Variants in HDAC8 observed in about 807,000 individuals in gnomAD.
HDAC8 encodes histone deacetylase-like 1.
In HDAC8, 1 loss-of-function variant was observed where a neutral mutation model predicts 32.2. The observed-to-expected ratio is 0.03, with a 90% CI of 0.01 to 0.15. The LOEUF (loss-of-function observed/expected upper bound fraction) is 0.15, where lower values mean the gene tolerates loss of function less well. Among genes scored for constraint, HDAC8 ranks in the 10% least tolerant of loss-of-function variants. The pLI is 1.00. For synonymous variants in HDAC8, 108 were observed against 113.9 expected (o/e 0.95, Z 0.33); for missense variants, 117 against 300.0 (o/e 0.39, Z 4.51).
intron 7 of HDAC8, chrX:72,474,125 A>C (rs1002056257): frequency 5.3e-5 from 40 of 748,931 alleles, no homozygotes; most frequent in Non-Finnish European, 6.1e-5. Context: ...TTGTAAAGAT[A>C]GAGTAATTAG....
chrX:72,356,768 C>T (rs549684882), intron 9 of HDAC8, among the ~76,000 whole-genome samples: 36 of 111,337 alleles, frequency 3.2e-4, no homozygotes, highest in African/African-American at 1.1e-3. Flanking sequence ...TTAGTAGAGA[C>T]GGGGTTTCAC....
intron 10 of HDAC8, among the ~76,000 whole-genome samples, chrX:72,343,412 A>T (rs782657338): frequency 9.1e-6 from 1 of 109,815 alleles, no homozygotes; most frequent in East Asian, 2.9e-4. Flanking sequence ...GGCTCAAGTG[A>T]TCTGCCTGTC....
At chrX:72,366,884 T>C (rs1005929581) in intron 9 of HDAC8, among the ~76,000 whole-genome samples, 33 of 111,905 alleles carry the variant, frequency 2.9e-4, no homozygotes, top group African/African-American at 1.1e-3. Flanking sequence ...ATGACTCTCG[T>C]TTCTGAGCAG....
At chrX:72,555,343 A>T (rs2051247722) in intron 4 of HDAC8, among the ~76,000 whole-genome samples, 1 of 111,889 alleles carries the variant, frequency 8.9e-6, no homozygotes, top group South Asian at 3.7e-4. Flanking sequence ...AAACGAGGTT[A>T]TTTAACATCC....
At chrX:72,478,229 T>C (rs183614613) in intron 7 of HDAC8, among the ~76,000 whole-genome samples, 4 of 112,497 alleles carry the variant, frequency 3.6e-5, no homozygotes, top group African/African-American at 1.3e-4. Context: ...TAATTACAAA[T>C]GATTCTTAAA....
intron 9 of HDAC8, among the ~76,000 whole-genome samples, chrX:72,401,336 G>A (rs2045896967): frequency 8.9e-6 from 1 of 111,982 alleles, no homozygotes; most frequent in African/African-American, 3.2e-5. Flanking sequence ...CTGGGTTCAA[G>A]TGATTTTCCT....
At chrX:72,446,780 C>T (rs2047415257) in intron 9 of HDAC8, among the ~76,000 whole-genome samples, 1 of 111,206 alleles carries the variant, frequency 9.0e-6, no homozygotes, top group African/African-American at 3.3e-5. Flanking sequence ...CACAGAAATA[C>T]AAACTACCAT....
At chrX:72,396,011 G>A (rs896892108) in intron 9 of HDAC8, among the ~76,000 whole-genome samples, 12 of 111,817 alleles carry the variant, frequency 1.1e-4, no homozygotes, top group African/African-American at 3.9e-4. Context: ...TGATCTTAAT[G>A]TGTGTTCTAG....
chrX:72,389,037 T>C (rs1372355821), intron 9 of HDAC8, among the ~76,000 whole-genome samples: 1 of 112,350 alleles, frequency 8.9e-6, no homozygotes, highest in East Asian at 2.8e-4. Context: ...TTAATACTTG[T>C]TTATGCACTG....
chrX:72,411,081 A>G (rs1228416785), intron 9 of HDAC8, among the ~76,000 whole-genome samples: 1 of 95,693 alleles, frequency 1.0e-5, no homozygotes, highest in African/African-American at 4.3e-5. Flanking sequence ...ACTGGAGTGC[A>G]GTGGTGCAAT....
Position 72,357,747 on chromosome X carries a change from G to C in HDAC8, c.1006-5909C>G, listed in dbSNP as rs1387720836. 3.6e-5 allele frequency among the ~76,000 whole-genome samples: 4 copies of C among 110,814 alleles called. No individual in the cohort carries two copies. In the Admixed American group the frequency reaches 3.8e-4, roughly 11 times the overall value. ...GATGCCTAAAACTGCAGATAGTACC[G>C]AGCCTGATTGCTGTCAATCAGAACA... On this transcript the variant is annotated intron_variant, in intron 9 of 10. Transcript: ENST00000373573.
Position 72,358,811 on chromosome X carries a change from C to A in HDAC8, c.1006-6973G>T, listed in dbSNP as rs1286234351. 1.8e-5 allele frequency among the ~76,000 whole-genome samples: 2 copies of A among 111,681 alleles called. 1 individual carries two copies. Among genetic ancestry groups the A allele is most frequent in the Admixed American group, 1.9e-4 (2 of 10,558 alleles). On this transcript the variant is annotated intron_variant, in intron 9 of 10. Transcript: ENST00000373573. ...GGATGGTTTCAGGATGAAACTGTCC[C>A]ACCTCAGATCATTAGGCATTAGTTA...
At chrX:72,462,170 G>A (rs1013402302) in intron 8 of HDAC8, 72 bp from the exon 9 acceptor site, 8 of 780,391 alleles carry the variant, frequency 1.0e-5, no homozygotes, top group Non-Finnish European at 1.5e-5. Context: ...GGGGGGTAAG[G>A]AAAGAGAGAA....
chrX:72,428,029 C>A (rs2067386234), intron 9 of HDAC8, among the ~76,000 whole-genome samples: 1 of 112,506 alleles, frequency 8.9e-6, no homozygotes, highest in South Asian at 3.7e-4. Flanking sequence ...CCTGGATCTG[C>A]CACTGCCCTT....
intron 9 of HDAC8, among the ~76,000 whole-genome samples, chrX:72,356,848 T>G (rs1320746481): frequency 9.0e-6 from 1 of 111,538 alleles, no homozygotes; most frequent in Non-Finnish European, 1.9e-5. Context: ...CCTCCCAGAG[T>G]GCTGGGATTA....
chrX:72,448,049 A>G (rs1211045831), intron 9 of HDAC8, among the ~76,000 whole-genome samples: 1 of 112,276 alleles, frequency 8.9e-6, no homozygotes. Flanking sequence ...CTGTCAAGCT[A>G]CTATTGACTT....
intron 10 of HDAC8, among the ~76,000 whole-genome samples, chrX:72,335,094 T>TCCTTCC (rs2147676966): frequency 1.8e-5 from 2 of 112,132 alleles, no homozygotes; most frequent in Non-Finnish European, 3.8e-5. Flanking sequence ...CTCATATATT[T>TCCTTCC]CCTTCCCCTT....
At chrX:72,468,148 G>C in intron 7 of HDAC8, 1 of 696,547 alleles carries the variant, frequency 1.4e-6, no homozygotes, top group Non-Finnish European at 2.0e-6. Context: ...ATTCAAGACT[G>C]GAAGTTTTCA....
At chrX:72,332,035 T>C (rs2043539358) in intron 10 of HDAC8, among the ~76,000 whole-genome samples, 1 of 112,377 alleles carries the variant, frequency 8.9e-6, no homozygotes, top group Non-Finnish European at 1.9e-5. Flanking sequence ...ATACAGTATA[T>C]AAACTTTTGA....
Sources: gnomAD v4.1 joint callset for allele counts (sites outside exome capture counted in the v4.1 genomes callset) on GRCh38, gnomAD v4.1.1 for gene constraint, MANE v1.5 for transcripts, NCBI Gene and HGNC (gene_info 2026-07-23, HGNC 2026-07-21) for gene names.